Variants in SPAG1 observed in about 807,000 individuals in gnomAD.
SPAG1 encodes sperm associated antigen 1, also known as sperm-associated antigen 1.
A neutral mutation model predicts 100.5 loss-of-function variants in SPAG1; 69 were observed. The observed-to-expected ratio is 0.69, with a 90% CI of 0.57 to 0.84. The LOEUF (loss-of-function observed/expected upper bound fraction) is 0.84, where lower values mean the gene tolerates loss of function less well. Among genes scored for constraint, SPAG1 ranks in the 40% least tolerant of loss-of-function variants. The pLI is 0.00. For synonymous variants in SPAG1, 336 were observed against 411.6 expected (o/e 0.82, Z 2.22); for missense variants, 955 against 1,133.1 (o/e 0.84, Z 2.26).
At chr8:100,183,793 T>C (rs1201963251) in intron 5 of SPAG1, among the ~76,000 whole-genome samples, 163 bp from the exon 6 acceptor site, 1 of 152,202 alleles carries the variant, frequency 6.6e-6, no homozygotes, top group Non-Finnish European at 1.5e-5. Flanking sequence ...CTAAATTGTA[T>C]GTTTTCTTAA....
At chr8:100,197,104 T>C (rs1817064917) in intron 10 of SPAG1, among the ~76,000 whole-genome samples, 1 of 152,026 alleles carries the variant, frequency 6.6e-6, no homozygotes, top group South Asian at 2.1e-4. Context: ...GAATATTTAT[T>C]TGAGAATTTC....
intron 10 of SPAG1, among the ~76,000 whole-genome samples, chr8:100,208,284 G>A (rs759402394): frequency 3.9e-5 from 6 of 152,216 alleles, no homozygotes; most frequent in East Asian, 1.9e-4. Context: ...TGATTGACCC[G>A]GACTCTCAAG....
At chr8:100,184,478 C>T in intron 6 of SPAG1, 150 bp from the exon 7 acceptor site, 2 of 479,840 alleles carry the variant, frequency 4.2e-6, no homozygotes, top group South Asian at 4.0e-5. Context: ...GAAAACATCC[C>T]TAAGCTTGGG....
At position 100,184,624 on chromosome 8, in the gene SPAG1, C is replaced by T. The variant is rs766952746; in HGVS notation, c.596-4C>T. 2 of 1,520,662 alleles carry T rather than the reference C, an allele frequency of 1.3e-6. No homozygotes were observed. Among genetic ancestry groups the T allele is most frequent in the Non-Finnish European group, 1.8e-6 (2 of 1,129,572 alleles). 94.2% of individuals were successfully genotyped at this position (1,520,662 alleles called of 1,614,324 possible). A position where few individuals can be genotyped will look rare whatever the true frequency, so the allele number is the denominator to read the frequency against. ...TACATATAGCAGATAACATTTATTT[C>T]TAGGTCTAACTGAGAAAGAAAAGGA... On this transcript the variant is annotated splice_region_variant and splice_polypyrimidine_tract_variant and intron_variant, in intron 6 of 18. Coordinates refer to ENST00000388798, the MANE Select transcript of SPAG1 (RefSeq NM_003114.5).
At chr8:100,179,933 T>C (rs1405355271) in intron 4 of SPAG1, among the ~76,000 whole-genome samples, 2 of 152,202 alleles carry the variant, frequency 1.3e-5, no homozygotes, top group African/African-American at 2.4e-5. Flanking sequence ...ACTTAGGATT[T>C]TGGCAAAAAT....
At chr8:100,173,624 C>T (rs1038135479) in intron 3 of SPAG1, among the ~76,000 whole-genome samples, 1 of 151,966 alleles carries the variant, frequency 6.6e-6, no homozygotes, top group South Asian at 2.1e-4. Context: ...TTTTCTGGCA[C>T]CTGTGACAAT....
rs769148302 is a variant in SPAG1, at chr8:100,162,353, C to T, written c.73C>T (p.Leu25=). The T allele has an allele frequency of 1.1e-5, 17 of 1,601,422 alleles. No individual in the cohort carries two copies. The highest frequency in any genetic ancestry group is 1.3e-5 in the Non-Finnish European group (15 of 1,174,690). Residue 25 remains leucine, a synonymous_variant, in exon 2 of 19, where the codon CTA becomes TTA. Transcript: ENST00000388798. The part of the protein sequence containing the change: ...TKTFKIPIEH[L]DFKYIEKCSD... The stretch of plus-strand genomic sequence containing the variant: ...AACATTCAAAATTCCCATTGAACAT[C>T]TAGATTTCAAATACATTGAAAAATG...
intron 10 of SPAG1, among the ~76,000 whole-genome samples, chr8:100,201,466 G>A (rs1287196013): frequency 6.6e-6 from 1 of 151,982 alleles, no homozygotes; most frequent in Non-Finnish European, 1.5e-5. Flanking sequence ...TTTAGCTCTT[G>A]TATTTAGGTT....
intron 10 of SPAG1, among the ~76,000 whole-genome samples, chr8:100,200,552 C>T (rs1216375416): frequency 6.6e-6 from 1 of 152,238 alleles, no homozygotes; most frequent in Non-Finnish European, 1.5e-5. Flanking sequence ...AACTAGTTTA[C>T]AGTCCCACCA....
intron 16 of SPAG1, among the ~76,000 whole-genome samples, chr8:100,233,835 T>G (rs1818885116): frequency 2.0e-5 from 3 of 152,232 alleles, no homozygotes; most frequent in Admixed American, 6.5e-5. Flanking sequence ...GAAGGTTTGG[T>G]ACTGAATTAC....
At chr8:100,216,028 A>G (rs1022207475) in intron 12 of SPAG1, among the ~76,000 whole-genome samples, 4 of 152,180 alleles carry the variant, frequency 2.6e-5, no homozygotes, top group African/African-American at 9.7e-5. Context: ...GGATTTTGTG[A>G]GCTGGTTGAT....
chr8:100,231,389 T>G, intron 15 of SPAG1, 101 bp downstream of exon 15: 1 of 794,284 alleles, frequency 1.3e-6, no homozygotes, highest in Non-Finnish European at 1.9e-6. Flanking sequence ...TTGCCAAAGT[T>G]TTTTGTGATG....
chr8:100,212,184 A>C (rs1817745160), intron 10 of SPAG1, among the ~76,000 whole-genome samples: 1 of 152,128 alleles, frequency 6.6e-6, no homozygotes, highest in Non-Finnish European at 1.5e-5. Flanking sequence ...TCATCCACTG[A>C]TTTTCACTTA....
At chr8:100,215,001 A>G (rs1321799911) in intron 12 of SPAG1, among the ~76,000 whole-genome samples, 2 of 5,200 alleles carry the variant, frequency 3.8e-4, no homozygotes, top group Non-Finnish European at 3.4e-4. Context: ...ATATATATAT[A>G]TATATATATA....
At chr8:100,225,559 A>G (rs1258865622) in intron 14 of SPAG1, among the ~76,000 whole-genome samples, 2 of 151,706 alleles carry the variant, frequency 1.3e-5, no homozygotes, top group Non-Finnish European at 2.9e-5. Flanking sequence ...CCTGGGTTCA[A>G]GCAATTCTCC....
chr8:100,198,298 AT>A (rs1465075983), intron 10 of SPAG1, among the ~76,000 whole-genome samples: 1 of 152,230 alleles, frequency 6.6e-6, no homozygotes, highest in African/African-American at 2.4e-5. Flanking sequence ...ATAAAGGTGA[AT>A]AATTTTGATT....
Position 100,239,166 on chromosome 8 carries a change from AC to A in SPAG1, c.2116-70del. Reference sequence around the variant, plus strand: ...ACATACTGCACAGCTCACTACATCCACCCCACTCCCACTCAGGTTACTCTAG... The same window carrying A: ...ACATACTGCACAGCTCACTACATCCACCCACTCCCACTCAGGTTACTCTAG... On this transcript the variant is annotated intron_variant, in intron 16 of 18. Transcript: ENST00000388798. This position sits in a 1 kb window ranked among gnomAD's most constrained non-coding sequence, Gnocchi z 5.0. The A allele has an allele frequency of 4.4e-6, 4 of 900,186 alleles. No individual in the cohort carries two copies. The South Asian group carries it at 7.0e-5, about 16-fold the overall frequency. 55.8% of individuals were successfully genotyped at this position (900,186 alleles called of 1,614,324 possible).
chr8:100,182,093 A>T (rs1246043881), intron 4 of SPAG1, among the ~76,000 whole-genome samples: 2 of 152,246 alleles, frequency 1.3e-5, no homozygotes, highest in African/African-American at 4.8e-5. Flanking sequence ...CTACTTTATT[A>T]TTATAAATTC....
At chr8:100,203,789 G>A (rs897673323) in intron 10 of SPAG1, among the ~76,000 whole-genome samples, 1 of 152,176 alleles carries the variant, frequency 6.6e-6, no homozygotes, top group African/African-American at 2.4e-5. Context: ...TGCCAAGATT[G>A]CCCTGAGTGA....
Sources: gnomAD v4.1 joint callset for allele counts (sites outside exome capture counted in the v4.1 genomes callset) on GRCh38, gnomAD v4.1.1 for gene constraint, Gnocchi (gnomAD v3.1) non-coding constraint, MANE v1.5 for transcripts, NCBI Gene and HGNC (gene_info 2026-07-23, HGNC 2026-07-21) for gene names.